The following CCDC178 variants were observed in gnomAD, a reference collection of about 807,000 sequenced individuals.
CCDC178 encodes coiled-coil domain containing 178, also known as coiled-coil domain-containing protein 178.
In CCDC178, 126 loss-of-function variants were observed where a neutral mutation model predicts 117.4. The observed-to-expected ratio is 1.07, with a 90% CI of 0.93 to 1.24. The LOEUF (loss-of-function observed/expected upper bound fraction) is 1.24. Ranked by LOEUF, CCDC178 falls within the 50% of genes most tolerant of loss-of-function variation. CCDC178 has a pLI of 0.00. For synonymous variants in CCDC178, 283 were observed against 313.4 expected, an observed-to-expected ratio of 0.90 and a Z score of 1.02; for missense variants, 1,030 against 986.9, an observed-to-expected ratio of 1.04 and a Z score of -0.59.
intron 20 of CCDC178, among the ~76,000 whole-genome samples, chr18:33,169,813 C>T (rs1958158710): frequency 6.6e-6 from 1 of 152,146 alleles, no homozygotes; most frequent in Non-Finnish European, 1.5e-5. Context: ...CCAGTATTAT[C>T]ATTTTCAATT....
chr18:33,403,672 G>A (rs1371895886), intron 3 of CCDC178, among the ~76,000 whole-genome samples: 1 of 152,198 alleles, frequency 6.6e-6, no homozygotes, highest in Non-Finnish European at 1.5e-5. Context: ...AGGTCCATCA[G>A]TGAATTAAGG....
intron 20 of CCDC178, among the ~76,000 whole-genome samples, chr18:33,197,713 A>C (rs2058947948): frequency 1.3e-5 from 2 of 152,172 alleles, no homozygotes; most frequent in Non-Finnish European, 2.9e-5. Flanking sequence ...TTTATCTTAA[A>C]GTTGTTCTAT....
chr18:33,275,546 G>C (rs2059937699), intron 12 of CCDC178, among the ~76,000 whole-genome samples: 2 of 141,196 alleles, frequency 1.4e-5, no homozygotes, highest in African/African-American at 5.2e-5. Context: ...AAAATAAAAA[G>C]AACAGAAAGG....
At chr18:33,073,547 C>CTATATATA (rs1225402686) in intron 21 of CCDC178, among the ~76,000 whole-genome samples, 1 of 121,584 alleles carries the variant, frequency 8.2e-6, no homozygotes, top group South Asian at 2.6e-4. Context: ...ATCTATCTAT[C>CTATATATA]TATCTATATA....
chr18:33,065,859 T>G (rs1373345467), intron 21 of CCDC178, among the ~76,000 whole-genome samples: 4 of 148,810 alleles, frequency 2.7e-5, no homozygotes, highest in African/African-American at 7.6e-5. Context: ...AAAGTTCTTT[T>G]TCTTTTTTTT....
chr18:33,252,600 T>C lies in CCDC178; in HGVS notation c.1410-7172A>G, dbSNP rs571927290. Among the ~76,000 whole-genome samples the C allele has an allele frequency of 1.3e-4, 20 of 151,872 alleles. No individual in the cohort carries two copies. The East Asian group carries it at 3.1e-3, about 24-fold the overall frequency. ...AATTAATAGACTGGTAAGACATAGC[T>C]AAATGGGTATGAAAAACACAGCACC... On this transcript the variant is annotated intron_variant, in intron 14 of 22. Transcript: ENST00000383096.
intron 11 of CCDC178, among the ~76,000 whole-genome samples, chr18:33,305,155 C>T (rs767087333): frequency 2.6e-5 from 4 of 152,196 alleles, no homozygotes; most frequent in Non-Finnish European, 5.9e-5. Context: ...AGATAGTCCA[C>T]TTCCTTATTT....
At chr18:33,081,667 A>C (rs1172604002) in intron 21 of CCDC178, among the ~76,000 whole-genome samples, 1 of 152,166 alleles carries the variant, frequency 6.6e-6, no homozygotes, top group Non-Finnish European at 1.5e-5. Context: ...CTTTCTTTAA[A>C]ATATTTTTTT....
At chr18:33,075,889 C>T (rs1041993321) in intron 21 of CCDC178, among the ~76,000 whole-genome samples, 2 of 152,044 alleles carry the variant, frequency 1.3e-5, no homozygotes, top group African/African-American at 4.8e-5. Flanking sequence ...GAATCACTTG[C>T]TCCCAGGAGG....
chr18:33,153,902 T>G (rs1409576708), intron 20 of CCDC178, among the ~76,000 whole-genome samples: 1 of 152,016 alleles, frequency 6.6e-6, no homozygotes, highest in Non-Finnish European at 1.5e-5. Context: ...CATGGAAAGA[T>G]GATTTCATTG....
Position 33,115,535 on chromosome 18 carries a change from G to A in CCDC178, c.2239-22625C>T, listed in dbSNP as rs925106361. Among the ~76,000 whole-genome samples, 7 of 151,780 alleles carry A rather than the reference G, an allele frequency of 4.6e-5. No homozygotes were observed. The East Asian group carries it at 5.8e-4, about 13-fold the overall frequency. ...ATCTTAATTTTTTTTCAGCCATAGC[G>A]TCTACAGTCAAATACTGACTACAGT... is the stretch of plus-strand genomic sequence containing the variant. On this transcript the variant is annotated intron_variant, in intron 20 of 22. Transcript: ENST00000383096.
At chr18:33,389,327 A>G (rs1469048998) in intron 5 of CCDC178, among the ~76,000 whole-genome samples, 1 of 151,994 alleles carries the variant, frequency 6.6e-6, no homozygotes, top group East Asian at 1.9e-4. Context: ...CTGAAATTAC[A>G]TAACAATTCA....
At chr18:33,100,630 C>A (rs1043653295) in intron 20 of CCDC178, among the ~76,000 whole-genome samples, 1 of 151,926 alleles carries the variant, frequency 6.6e-6, no homozygotes, top group African/African-American at 2.4e-5. Flanking sequence ...CATATAAGAG[C>A]TCTGTATGTG....
chr18:33,373,251 TCA>T (rs1491491944), intron 5 of CCDC178, among the ~76,000 whole-genome samples: 1 of 152,168 alleles, frequency 6.6e-6, no homozygotes, highest in Non-Finnish European at 1.5e-5. Context: ...ACATGGACTC[TCA>T]GAGTCAGAAG....
At chr18:33,086,164 A>G (rs1179947099) in intron 21 of CCDC178, among the ~76,000 whole-genome samples, 1 of 151,950 alleles carries the variant, frequency 6.6e-6, no homozygotes, top group Non-Finnish European at 1.5e-5. Context: ...ATACTATTTC[A>G]TTTTATTGCT....
At chr18:33,412,175 A>G in intron 2 of CCDC178, 65 bp from the exon 3 acceptor site, 1 of 644,954 alleles carries the variant, frequency 1.6e-6, no homozygotes, top group Admixed American at 3.2e-5. Flanking sequence ...ATTTTACTAA[A>G]AATTGTCAAT....
intron 20 of CCDC178, among the ~76,000 whole-genome samples, chr18:33,126,353 TTTAA>T (rs1406883573): frequency 3.4e-5 from 5 of 149,182 alleles, no homozygotes; most frequent in South Asian, 2.1e-4. Flanking sequence ...ATTAAATATA[TTTAA>T]TTAGTATATG....
chr18:32,938,765 C>T (rs1242387521), intron 22 of CCDC178, among the ~76,000 whole-genome samples: 3 of 152,126 alleles, frequency 2.0e-5, no homozygotes, highest in Admixed American at 1.3e-4. Flanking sequence ...GGCAACAACA[C>T]ATAAAAAGTT....
At chr18:33,433,226 T>C in intron 2 of CCDC178, among the ~76,000 whole-genome samples, 1 of 152,180 alleles carries the variant, frequency 6.6e-6, no homozygotes, top group East Asian at 1.9e-4. Context: ...TATCCATGCA[T>C]TGGCATGGCA....
Sources: gnomAD v4.1 joint callset for allele counts (sites outside exome capture counted in the v4.1 genomes callset) on GRCh38, gnomAD v4.1.1 for gene constraint, MANE v1.5 for transcripts, NCBI Gene and HGNC (gene_info 2026-07-23, HGNC 2026-07-21) for gene names.